Variants in SCN3A observed in about 807,000 individuals in gnomAD.
SCN3A encodes sodium channel protein type 3 subunit alpha.
In SCN3A, 60 loss-of-function variants were observed where a neutral mutation model predicts 187.6. The ratio of observed to expected loss-of-function variants is 0.32; its 90% confidence interval spans 0.26 to 0.40. The LOEUF (loss-of-function observed/expected upper bound fraction) is 0.40. SCN3A is among the 10% of genes least tolerant of loss of function. SCN3A has a pLI of 1.00. For missense variants in SCN3A, 1,601 were observed against 2,428.2 expected (o/e 0.66, Z 7.16); for synonymous variants, 788 against 829.2 (o/e 0.95, Z 0.85).
chr2:165,152,886 G>A lies in SCN3A; in HGVS notation c.1380+1566C>T, dbSNP rs145545899. Among the ~76,000 whole-genome samples, 211 of 151,514 alleles carry A rather than the reference G, an allele frequency of 1.4e-3. 4 individuals carry two copies. In the East Asian group the frequency reaches 0.034, roughly 25 times the overall value. ...GTATGCATATGTAACAAACCTGCAT[G>A]TTGTGCACATGTACCCTAGAACTTA... On this transcript the variant is annotated intron_variant, in intron 11 of 27. Coordinates refer to ENST00000283254, the MANE Select transcript of SCN3A (RefSeq NM_006922.4).
In SCN3A at chr2:165,122,230, C is replaced by CTTTT. The variant is rs776949572; in HGVS notation, c.3393+5397_3393+5400dup. Among the ~76,000 whole-genome samples the CTTTT allele has an allele frequency of 2.6e-3, 299 of 113,826 alleles. 9 individuals carry two copies. Among genetic ancestry groups the CTTTT allele is most frequent in the South Asian group, 9.3e-3 (31 of 3,344 alleles). 74.7% of individuals were successfully genotyped at this position (113,826 alleles called of 152,430 possible). A position where few individuals can be genotyped will look rare whatever the true frequency, so the allele number is the denominator to read the frequency against. ...TTTTTTTTTTCTTTTTTCTTTCTTT[C>CTTTT]TTTTTTTTCTTTTTTTTTTTTTTTA... On this transcript the variant is annotated intron_variant, in intron 18 of 27. Transcript: ENST00000283254.
chr2:165,121,184 A>G (rs561593433), intron 18 of SCN3A, among the ~76,000 whole-genome samples: 10 of 152,256 alleles, frequency 6.6e-5, no homozygotes, highest in East Asian at 3.9e-4. Flanking sequence ...CTCACATTCA[A>G]TTTCACAAAG....
At chr2:165,179,882 A>G (rs75686611) in intron 2 of SCN3A, among the ~76,000 whole-genome samples, 2,220 of 152,242 alleles carry the variant, frequency 0.015, 61 homozygotes, top group African/African-American at 0.05. Flanking sequence ...GAGTTCTTAC[A>G]TAATTTTATA....
chr2:165,122,652 C>G (rs1686765366), intron 18 of SCN3A: 2 of 152,218 alleles, frequency 1.3e-5, no homozygotes, highest in African/African-American at 4.8e-5. Context: ...GATTGCCCAT[C>G]TCGCCTGACC....
At chr2:165,137,724 ATCTCTGAGAT>A (rs1260852606) in intron 15 of SCN3A, among the ~76,000 whole-genome samples, 145 bp downstream of exon 15, 1 of 152,194 alleles carries the variant, frequency 6.6e-6, no homozygotes, top group East Asian at 1.9e-4. Context: ...TTTAGGCTGT[ATCTCTGAGAT>A]TCCCTGTAAT....
chr2:165,102,375 G>C (rs1349461577), intron 21 of SCN3A, among the ~76,000 whole-genome samples: 1 of 152,140 alleles, frequency 6.6e-6, no homozygotes, highest in African/African-American at 2.4e-5. Context: ...GATTAGCCAG[G>C]GATGGTGGCT....
intron 2 of SCN3A, among the ~76,000 whole-genome samples, chr2:165,177,834 C>A (rs916947247): frequency 6.6e-5 from 10 of 152,096 alleles, no homozygotes; most frequent in African/African-American, 2.4e-4. Context: ...TGCCAAAAAT[C>A]ACATTTAAAA....
At chr2:165,106,328 A>G (rs1685855937) in intron 21 of SCN3A, among the ~76,000 whole-genome samples, 1 of 152,202 alleles carries the variant, frequency 6.6e-6, no homozygotes, top group African/African-American at 2.4e-5. Flanking sequence ...AAATAACACT[A>G]TATGTTCTTT....
intron 2 of SCN3A, among the ~76,000 whole-genome samples, chr2:165,178,981 C>T (rs754026112): frequency 2.0e-5 from 3 of 152,052 alleles, no homozygotes; most frequent in Non-Finnish European, 4.4e-5. Context: ...TTCTGCAAGC[C>T]GTAAGTACCT....
At chr2:165,130,408 A>C in intron 16 of SCN3A, 112 bp from the exon 17 acceptor site, 1 of 1,101,570 alleles carries the variant, frequency 9.1e-7, no homozygotes, top group Non-Finnish European at 1.4e-6. Flanking sequence ...AAAACTCAAA[A>C]TATACTGAAC....
intron 9 of SCN3A, among the ~76,000 whole-genome samples, chr2:165,156,909 CT>C (rs549996344): frequency 4.0e-5 from 6 of 150,666 alleles, no homozygotes; most frequent in African/African-American, 1.2e-4. Flanking sequence ...CAGTTTTTTT[CT>C]TTTTTTTTGT....
intron 21 of SCN3A, among the ~76,000 whole-genome samples, chr2:165,110,239 C>T (rs995452818): frequency 6.6e-6 from 1 of 152,140 alleles, no homozygotes; most frequent in South Asian, 2.1e-4. Context: ...AAGGCTAGGT[C>T]TGTTTTGTTC....
At chr2:165,175,604 T>C (rs1031088089) in intron 3 of SCN3A, among the ~76,000 whole-genome samples, 2 of 152,096 alleles carry the variant, frequency 1.3e-5, no homozygotes, top group Non-Finnish European at 2.9e-5. Context: ...ATCCTAATCA[T>C]ATTCTAGGTT....
chr2:165,141,148 T>A, intron 12 of SCN3A, 150 bp from the exon 13 acceptor site: 1 of 605,216 alleles, frequency 1.7e-6, no homozygotes, highest in South Asian at 2.5e-5. Flanking sequence ...AGAGGACACA[T>A]ATATTTTGAT....
At position 165,143,337 on chromosome 2, in the gene SCN3A, T is replaced by A. The variant is rs909011651; in HGVS notation, c.1672-2339A>T. Among the ~76,000 whole-genome samples, 4 of 152,198 alleles carry A rather than the reference T, an allele frequency of 2.6e-5. No homozygotes were observed. In the East Asian group the frequency reaches 7.7e-4, roughly 29 times the overall value. ...TGTCTCTGGAAACTGAAAATCGGTC[T>A]ACACAGTATTGGTTGGGAGTATGTG... On this transcript the variant is annotated intron_variant, in intron 12 of 27. Transcript: ENST00000283254.
In SCN3A at chr2:165,140,306, G is replaced by T. The variant is rs994294920; in HGVS notation, c.2019+345C>A. ...ATGAATAGATAATTATACAATTCTT[G>T]GTGAATATACATCTTATAGATTTGA... On this transcript the variant is annotated intron_variant, in intron 13 of 27. Transcript: ENST00000283254. This position sits in a 1 kb window ranked among gnomAD's most constrained non-coding sequence, Gnocchi z 4.2. Among the ~76,000 whole-genome samples, 11 of 150,822 alleles carry T rather than the reference G, an allele frequency of 7.3e-5. No individual in the cohort carries two copies. Among genetic ancestry groups the T allele is most frequent in the Admixed American group, 4.6e-4 (7 of 15,134 alleles).
At chr2:165,196,929 T>A (rs192757073) in intron 1 of SCN3A, among the ~76,000 whole-genome samples, 2 of 152,096 alleles carry the variant, frequency 1.3e-5, no homozygotes, top group South Asian at 4.1e-4. Context: ...GATAGCAATT[T>A]GTAAGTAAGA....
chr2:165,101,611 AG>A (rs1215575352), intron 21 of SCN3A, among the ~76,000 whole-genome samples: 67 of 152,310 alleles, frequency 4.4e-4, no homozygotes, highest in African/African-American at 1.5e-3. Context: ...CCATCTTCTC[AG>A]TTCTTTCAAA....
chr2:165,203,660 A>T (rs1692456096), intron 1 of SCN3A, among the ~76,000 whole-genome samples, 163 bp downstream of exon 1: 1 of 152,102 alleles, frequency 6.6e-6, no homozygotes, highest in South Asian at 2.1e-4. Context: ...AAGATAAAGA[A>T]ATAGTAAGCA....
Sources: allele counts gnomAD v4.1 joint callset (sites outside exome capture counted in the v4.1 genomes callset), GRCh38; gene constraint gnomAD v4.1.1; non-coding constraint Gnocchi (gnomAD v3.1); transcripts MANE v1.5; gene names NCBI Gene and HGNC (gene_info 2026-07-23, HGNC 2026-07-21).